SNX29: variants seen among roughly 807,000 people sequenced by gnomAD.
SNX29 encodes sorting nexin 29.
Under a neutral mutation model 102.1 loss-of-function variants are expected in SNX29, and 78 were observed. The observed-to-expected ratio is 0.76, with a 90% CI of 0.64 to 0.92. The LOEUF (loss-of-function observed/expected upper bound fraction) is 0.92. Among genes scored for constraint, SNX29 ranks in the 40% least tolerant of loss-of-function variants. The probability of loss-of-function intolerance (pLI) is 0.00; values close to 1 mark genes in which losing one functional copy is unlikely to be tolerated. For missense variants in SNX29, 1,280 were observed against 1,061.7 expected (o/e 1.21, Z -2.86); for synonymous variants, 580 against 414.5 (o/e 1.40, Z -4.85).
At chr16:12,299,901 T>C (rs1020646152) in intron 15 of SNX29, among the ~76,000 whole-genome samples, 1 of 152,070 alleles carries the variant, frequency 6.6e-6, no homozygotes, top group Non-Finnish European at 1.5e-5. Context: ...GATCGAGTCT[T>C]GCTCTGTCAC....
chr16:12,067,283 T>TA (rs1198728933), intron 9 of SNX29, among the ~76,000 whole-genome samples: 1 of 150,332 alleles, frequency 6.7e-6, no homozygotes, highest in East Asian at 1.9e-4. Flanking sequence ...GTTAAAACAA[T>TA]TTTTTTTTTC....
intron 16 of SNX29, among the ~76,000 whole-genome samples, chr16:12,377,451 T>C (rs1448047176): frequency 6.6e-6 from 1 of 152,142 alleles, no homozygotes; most frequent in African/African-American, 2.4e-5. Context: ...GTCACATCTC[T>C]CTTATTTCAA....
In SNX29 at chr16:12,354,934, A is replaced by G. The variant is rs755036961; in HGVS notation, c.1783-1229A>G. On this transcript the variant is annotated intron_variant, in intron 15 of 20. Coordinates refer to ENST00000566228, the MANE Select transcript of SNX29 (RefSeq NM_032167.5). ...ATCTTTTGTGTCATTTTCACTTACTATTTCATATTTCACACTGGTTTGAAA... is the reference window on the plus strand; with the variant it reads ...ATCTTTTGTGTCATTTTCACTTACTGTTTCATATTTCACACTGGTTTGAAA... 9.6e-4 allele frequency among the ~76,000 whole-genome samples: 146 copies of G among 152,100 alleles called. 3 individuals are homozygous for G. The highest frequency in any genetic ancestry group is 2.5e-4 in the Non-Finnish European group (17 of 68,008).
intron 11 of SNX29, among the ~76,000 whole-genome samples, chr16:12,106,275 T>G (rs758918770): frequency 6.6e-6 from 1 of 152,076 alleles, no homozygotes; most frequent in Non-Finnish European, 1.5e-5. Context: ...TTGTCTGGTT[T>G]CTGTGACAGA....
chr16:12,052,384 T>C, intron 8 of SNX29, 162 bp downstream of exon 8: 1 of 679,656 alleles, frequency 1.5e-6, no homozygotes, highest in Non-Finnish European at 2.4e-6. Flanking sequence ...ACCCAGCTAA[T>C]TTTTGTATTT....
chr16:12,363,505 G>A (rs2082365032), intron 16 of SNX29, among the ~76,000 whole-genome samples: 1 of 152,158 alleles, frequency 6.6e-6, no homozygotes, highest in African/African-American at 2.4e-5. Flanking sequence ...TAAACATAGT[G>A]CTGACCATAG....
Position 12,196,357 on chromosome 16 carries a change from G to A in SNX29, c.1596-3244G>A, listed in dbSNP as rs75682095. Reference sequence around the variant, plus strand: ...TACTGTGTAGATAAAATGTGAGCATGTCTGCCACACCTCGAATATTAAGTG... The same window carrying A: ...TACTGTGTAGATAAAATGTGAGCATATCTGCCACACCTCGAATATTAAGTG... On this transcript the variant is annotated intron_variant, in intron 13 of 20. Coordinates refer to ENST00000566228, the MANE Select transcript of SNX29 (RefSeq NM_032167.5). Among the ~76,000 whole-genome samples, 1,086 of 152,092 alleles carry A rather than the reference G, an allele frequency of 7.1e-3. 8 individuals carry two copies. Among genetic ancestry groups the A allele is most frequent in the Middle Eastern group, 0.02 (6 of 294 alleles).
chr16:12,400,811 C>T (rs1388674619), intron 17 of SNX29, among the ~76,000 whole-genome samples: 1 of 150,554 alleles, frequency 6.6e-6, no homozygotes, highest in African/African-American at 2.5e-5. Context: ...ACTTCAGTAC[C>T]TCACTTTCAT....
chr16:12,353,292 C>G (rs941537873), intron 15 of SNX29, among the ~76,000 whole-genome samples: 6 of 152,190 alleles, frequency 3.9e-5, no homozygotes, highest in Admixed American at 1.3e-4. Context: ...CTTTCTCCAT[C>G]TGGCCCCTGG....
intron 16 of SNX29, among the ~76,000 whole-genome samples, chr16:12,395,735 C>T (rs930300928): frequency 2.0e-5 from 3 of 152,162 alleles, no homozygotes; most frequent in Non-Finnish European, 2.9e-5. Flanking sequence ...TGTTTGTGGC[C>T]AGTGTCAGTA....
intron 13 of SNX29, among the ~76,000 whole-genome samples, chr16:12,152,689 G>C (rs967212167): frequency 3.3e-5 from 5 of 152,178 alleles, no homozygotes; most frequent in African/African-American, 7.2e-5. Context: ...GCTGAGAGAT[G>C]AACGCAGTAC....
At chr16:11,989,724 C>T (rs376866815) in intron 1 of SNX29, among the ~76,000 whole-genome samples, 16 of 152,224 alleles carry the variant, frequency 1.1e-4, no homozygotes, top group East Asian at 9.7e-4. Flanking sequence ...TGTCTATGTC[C>T]GAGAGCTCAC....
At chr16:12,270,471 G>C (rs1291206367) in intron 14 of SNX29, among the ~76,000 whole-genome samples, 1 of 152,126 alleles carries the variant, frequency 6.6e-6, no homozygotes, top group Non-Finnish European at 1.5e-5. Context: ...CGACTTGAAA[G>C]TAAATCCGAT....
At chr16:12,496,949 T>C (rs1258795995) in intron 19 of SNX29, among the ~76,000 whole-genome samples, 1 of 152,206 alleles carries the variant, frequency 6.6e-6, no homozygotes, top group Non-Finnish European at 1.5e-5. Flanking sequence ...TGCACTCGAT[T>C]CTTGATGTCC....
In SNX29 at chr16:12,027,330, C is replaced by A; in HGVS notation, c.133C>A (p.Leu45Met). The A allele has an allele frequency of 6.2e-7, 1 of 1,613,842 alleles. No individual in the cohort carries two copies. The highest frequency in any genetic ancestry group is 1.1e-5 in the South Asian group (1 of 91,042). The change falls in exon 4 of 21, where the codon CTG becomes ATG. Residue 45 changes from leucine to methionine, a missense_variant. Coordinates refer to ENST00000566228, the MANE Select transcript of SNX29 (RefSeq NM_032167.5). ...TTGGTTTTCTCACAGGGTCACCTGT[C>A]TGTGTGCCCAGTTTGAAGCCGTCCT... ...ASDSDSRVTC[L>M]CAQFEAVLQH... is the part of the protein sequence containing the mutation.
At chr16:12,185,852 T>C (rs1185035635) in intron 13 of SNX29, among the ~76,000 whole-genome samples, 1 of 152,222 alleles carries the variant, frequency 6.6e-6, no homozygotes, top group East Asian at 1.9e-4. Flanking sequence ...AAGGGACTCA[T>C]TTGAGGTCAG....
chr16:12,526,230 G>A (rs564770521), intron 20 of SNX29, among the ~76,000 whole-genome samples: 21 of 152,246 alleles, frequency 1.4e-4, no homozygotes, highest in African/African-American at 4.3e-4. Flanking sequence ...GTGTTGCTGG[G>A]TTCAAAACAG....
At chr16:12,212,648 A>C (rs1247057352) in intron 14 of SNX29, among the ~76,000 whole-genome samples, 2 of 152,164 alleles carry the variant, frequency 1.3e-5, no homozygotes, top group Non-Finnish European at 2.9e-5. Context: ...CTTTTGAAAA[A>C]TGTCTGTTCT....
At chr16:12,506,031 C>A (rs7188932) in intron 19 of SNX29, among the ~76,000 whole-genome samples, 4,438 of 152,150 alleles carry the variant, frequency 0.029, 89 homozygotes, top group East Asian at 0.069. Context: ...TGTGATCTCG[C>A]CTCACTGCAA....
Sources: allele counts gnomAD v4.1 joint callset (sites outside exome capture counted in the v4.1 genomes callset), GRCh38; gene constraint gnomAD v4.1.1; transcripts MANE v1.5; gene names NCBI Gene and HGNC (gene_info 2026-07-23, HGNC 2026-07-21).